The following TENM1 variants were observed in gnomAD, a reference collection of about 807,000 sequenced individuals.
TENM1 encodes teneurin transmembrane protein 1, also known as teneurin-1.
A neutral mutation model predicts 174.8 loss-of-function variants in TENM1; 35 were observed. That is an observed-to-expected ratio of 0.20 (90% CI 0.15 to 0.27). TENM1 has a LOEUF of 0.27. Ranked by LOEUF, TENM1 falls within the 10% of genes least tolerant of loss-of-function variation. The pLI is 1.00. For synonymous variants in TENM1, 781 were observed against 798.7 expected (o/e 0.98, Z 0.37); for missense variants, 1,633 against 2,130.1 (o/e 0.77, Z 4.59).
At chrX:124,721,811 G>A (rs1422380614) in intron 4 of TENM1, among the ~76,000 whole-genome samples, 1 of 112,328 alleles carries the variant, frequency 8.9e-6, no homozygotes, top group Non-Finnish European at 1.9e-5. Flanking sequence ...TTTCTATTAT[G>A]TCTACTTTCC....
chrX:124,938,727 T>C (rs2058281516), intron 1 of TENM1, among the ~76,000 whole-genome samples: 1 of 112,226 alleles, frequency 8.9e-6, no homozygotes, highest in Non-Finnish European at 1.9e-5. Flanking sequence ...AGAAACTACA[T>C]GTGTGGATTT....
At chrX:124,803,742 A>T (rs2055515054) in intron 3 of TENM1, among the ~76,000 whole-genome samples, 2 of 112,405 alleles carry the variant, frequency 1.8e-5, no homozygotes, top group Admixed American at 1.9e-4. Flanking sequence ...ACGGAGTAAG[A>T]AATAGAAAAA....
chrX:124,462,970 A>T (rs988767703), intron 22 of TENM1, among the ~76,000 whole-genome samples: 3 of 111,637 alleles, frequency 2.7e-5, no homozygotes, highest in African/African-American at 9.8e-5. Context: ...ATATGGGAAA[A>T]GTGGGGTTGA....
At chrX:124,499,472 T>G (rs2047277996) in intron 19 of TENM1, among the ~76,000 whole-genome samples, 1 of 111,958 alleles carries the variant, frequency 8.9e-6, no homozygotes, top group Non-Finnish European at 1.9e-5. Context: ...AACACATGAT[T>G]TGCAGGAGCA....
chrX:124,397,954 C>T (rs1000866168), intron 27 of TENM1, among the ~76,000 whole-genome samples: 4 of 106,963 alleles, frequency 3.7e-5, no homozygotes, highest in Non-Finnish European at 3.9e-5. Flanking sequence ...TGGGGCTGGG[C>T]GCGGTGGCTC....
intron 11 of TENM1, among the ~76,000 whole-genome samples, chrX:124,602,156 T>C (rs929299663): frequency 9.0e-6 from 1 of 111,084 alleles, no homozygotes; most frequent in Non-Finnish European, 1.9e-5. Flanking sequence ...TTAAAATGGG[T>C]TAATTATATC....
chrX:125,113,117 C>A, the TENM1 span, among the ~76,000 whole-genome samples: 1 of 111,360 alleles, frequency 9.0e-6, no homozygotes, highest in African/African-American at 3.3e-5. Flanking sequence ...GAATAAAATT[C>A]AAAGGTAAAA....
At chrX:124,644,565 G>C (rs1269095727) in intron 10 of TENM1, among the ~76,000 whole-genome samples, 3 of 110,214 alleles carry the variant, frequency 2.7e-5, no homozygotes, top group African/African-American at 9.9e-5. Context: ...AATTTTGGGG[G>C]GATAAAGACT....
the TENM1 span, among the ~76,000 whole-genome samples, chrX:125,072,801 T>C: frequency 8.9e-6 from 1 of 111,969 alleles, no homozygotes; most frequent in Non-Finnish European, 1.9e-5. Flanking sequence ...CTTGGTTTTA[T>C]ACATTACTAA....
At chrX:124,813,702 A>G (rs2055834198) in intron 3 of TENM1, among the ~76,000 whole-genome samples, 2 of 111,384 alleles carry the variant, frequency 1.8e-5, no homozygotes, top group African/African-American at 3.3e-5. Flanking sequence ...ATGTGATTGT[A>G]TATTTACAGA....
upstream of TENM1, among the ~76,000 whole-genome samples, chrX:124,967,112 G>A (rs1478907450): frequency 9.0e-6 from 1 of 111,726 alleles, no homozygotes; most frequent in African/African-American, 3.3e-5. Context: ...TATTGGAAAA[G>A]GATTGCACTT....
the TENM1 span, among the ~76,000 whole-genome samples, chrX:125,064,839 C>T: frequency 9.0e-6 from 1 of 110,835 alleles, no homozygotes; most frequent in Non-Finnish European, 1.9e-5. Flanking sequence ...GATCTCCTGA[C>T]CTCGGGATCC....
At chrX:124,547,334 A>G (rs2148121097) in intron 14 of TENM1, among the ~76,000 whole-genome samples, 1 of 112,015 alleles carries the variant, frequency 8.9e-6, no homozygotes, top group African/African-American at 3.2e-5. Flanking sequence ...TCCAGCATTT[A>G]TCAGCTGGAG....
intron 4 of TENM1, among the ~76,000 whole-genome samples, chrX:124,723,522 T>C (rs1429185161): frequency 9.0e-6 from 1 of 111,132 alleles, no homozygotes; most frequent in Non-Finnish European, 1.9e-5. Context: ...TTACTATTAT[T>C]ACATTTACCT....
chrX:125,102,762 T>C, the TENM1 span, among the ~76,000 whole-genome samples: 7 of 112,565 alleles, frequency 6.2e-5, no homozygotes, highest in African/African-American at 2.3e-4. Flanking sequence ...TAGTTAGACA[T>C]ACCCTTGAAA....
intron 1 of TENM1, among the ~76,000 whole-genome samples, chrX:124,930,121 G>A (rs185588794): frequency 1.3e-4 from 14 of 109,030 alleles, no homozygotes; most frequent in East Asian, 5.8e-4. Flanking sequence ...CCCATACCCC[G>A]CACAGACATG....
intron 5 of TENM1, among the ~76,000 whole-genome samples, chrX:124,687,893 C>T (rs2148465480): frequency 8.9e-6 from 1 of 112,415 alleles, no homozygotes; most frequent in East Asian, 2.8e-4. Flanking sequence ...TGGTGGCTGT[C>T]AAGGACTGGG....
At chrX:124,962,859 A>C (rs1016267851) in intron 1 of TENM1, among the ~76,000 whole-genome samples, 4 of 111,878 alleles carry the variant, frequency 3.6e-5, no homozygotes, top group African/African-American at 6.5e-5. Context: ...AAACAAAAAA[A>C]CAAAAAACCT....
intron 22 of TENM1, among the ~76,000 whole-genome samples, chrX:124,462,062 T>G (rs936920540): frequency 9.0e-6 from 1 of 111,418 alleles, no homozygotes. Context: ...CAATGCTATG[T>G]GTTCATGTCA....
Sources: gnomAD v4.1 joint callset for allele counts (sites outside exome capture counted in the v4.1 genomes callset) on GRCh38, gnomAD v4.1.1 for gene constraint, MANE v1.5 for transcripts, NCBI Gene and HGNC (gene_info 2026-07-23, HGNC 2026-07-21) for gene names.